Variants in MARCO observed in about 807,000 individuals in gnomAD.
MARCO encodes macrophage receptor with collagenous structure, also known as macrophage receptor MARCO.
MARCO carries 72 observed loss-of-function variants against 70.0 expected under a neutral mutation model. The ratio of observed to expected loss-of-function variants is 1.03; its 90% CI spans 0.85 to 1.25. MARCO has a LOEUF of 1.25. MARCO is among the 50% of genes most tolerant of loss of function. The probability of loss-of-function intolerance (pLI) is 0.00; values close to 1 mark genes in which losing one functional copy is unlikely to be tolerated. For synonymous variants in MARCO, 273 were observed against 243.1 expected (o/e 1.12, Z -1.14); for missense variants, 696 against 659.3 (o/e 1.06, Z -0.61).
At position 118,990,598 on chromosome 2, in the gene MARCO, G is replaced by A. The variant is rs781748440; in HGVS notation, c.1073G>A (p.Gly358Glu). ...TTTGTTTTGATCTTAGGACTTCAAGGACAGCAAGGAAGAAAAGGAGAATCA... is the reference window on the plus strand; with the variant it reads ...TTTGTTTTGATCTTAGGACTTCAAGAACAGCAAGGAAGAAAAGGAGAATCA... ...KGSKGDTGLQGQQGRKGESGV... is the reference protein window; with the variant it reads ...KGSKGDTGLQEQQGRKGESGV... The change falls in exon 13 of 17, where the codon GGA becomes GAA. Residue 358 changes from glycine (G) to glutamate (E), a missense_variant. Coordinates refer to ENST00000327097, the MANE Select transcript of MARCO (RefSeq NM_006770.4). The A allele has an allele frequency of 1.0e-5, 16 of 1,587,898 alleles. No homozygotes were observed. The Admixed American group carries it at 1.3e-4, about 13-fold the overall frequency.
chr2:118,991,669 G>A (rs969078289), intron 13 of MARCO, 108 bp from the exon 14 acceptor site: 2 of 615,764 alleles, frequency 3.2e-6, no homozygotes, highest in Admixed American at 3.3e-5. Context: ...CAGCCATGGG[G>A]GAGGTCTGGC....
chr2:118,962,783 T>C (rs570393711), intron 1 of MARCO, among the ~76,000 whole-genome samples: 54 of 152,240 alleles, frequency 3.5e-4, no homozygotes, highest in African/African-American at 1.2e-3. Context: ...TTTAGATTTA[T>C]TTAATGATTA....
At chr2:118,980,336 A>G (rs1233576743) in intron 8 of MARCO, among the ~76,000 whole-genome samples, 3 of 152,220 alleles carry the variant, frequency 2.0e-5, no homozygotes, top group African/African-American at 7.2e-5. Flanking sequence ...GTCTTCCTCA[A>G]GGAGCAGCCA....
intron 4 of MARCO, among the ~76,000 whole-genome samples, chr2:118,972,664 T>G (rs946466472): frequency 6.6e-6 from 1 of 152,232 alleles, no homozygotes; most frequent in African/African-American, 2.4e-5. Context: ...TTCGTTATTA[T>G]TATGACTATT....
chr2:118,971,419 A>G (rs1365721759), intron 3 of MARCO, 80 bp from the exon 4 acceptor site: 2 of 1,406,258 alleles, frequency 1.4e-6, no homozygotes, highest in East Asian at 2.3e-5. Context: ...CTCCCACTGC[A>G]GAACCTGGGC....
chr2:118,990,569 C>CGGGGGGGTG lies in MARCO; in HGVS notation c.1064-20_1064-19insGGGGGGGTG. On this transcript the variant is annotated intron_variant, in intron 12 of 16. Coordinates refer to ENST00000327097, the MANE Select transcript of MARCO (RefSeq NM_006770.4). ...AGTTTTATTATCTCCTCCCCCCCCCCTTTTTTGTTTTGATCTTAGGACTTC... is the reference window on the plus strand; with the variant it reads ...AGTTTTATTATCTCCTCCCCCCCCCCGGGGGGGTGTTTTTTGTTTTGATCTTAGGACTTC... The CGGGGGGGTG allele has an allele frequency of 1.4e-6, 2 of 1,415,970 alleles. No homozygotes were observed. The highest frequency in any genetic ancestry group is 1.9e-6 in the Non-Finnish European group (2 of 1,028,324). The allele number at this position is 1,415,970 out of a possible 1,614,324, so 87.7% of individuals were successfully genotyped here. A position where few individuals can be genotyped will look rare whatever the true frequency, so the allele number is the denominator to read the frequency against.
chr2:118,956,525 G>A (rs1679840831), intron 1 of MARCO, among the ~76,000 whole-genome samples: 1 of 150,634 alleles, frequency 6.6e-6, no homozygotes, highest in Non-Finnish European at 1.5e-5. Context: ...AAATGAGATA[G>A]ACAGCAACAC....
intron 12 of MARCO, among the ~76,000 whole-genome samples, chr2:118,986,664 G>GAAAGAAAGAAA (rs1680503919): frequency 2.8e-5 from 1 of 35,360 alleles, no homozygotes; most frequent in Non-Finnish European, 4.5e-5. Flanking sequence ...AAGGAAGGAA[G>GAAAGAAAGAAA]GAAGGAAGGA....
intron 1 of MARCO, among the ~76,000 whole-genome samples, chr2:118,957,557 C>A (rs1679861713): frequency 6.6e-6 from 1 of 152,058 alleles, no homozygotes. Flanking sequence ...AGATTCACAG[C>A]AGAATTCTAT....
rs1680396548 is a variant in MARCO at position 118,981,735 on chromosome 2, A to G, written c.901+79A>G. ...GTGAAGCTGGGGACCAGACACCACC[A>G]TCTTTTGCTTCATTGTAGTATTCAC... is the stretch of plus-strand genomic sequence containing the variant. On this transcript the variant is annotated intron_variant, in intron 10 of 16. Transcript: ENST00000327097. 21 of 1,381,100 alleles carry G rather than the reference A, an allele frequency of 1.5e-5. No homozygotes were observed. The South Asian group carries it at 2.5e-4, about 17-fold the overall frequency. The allele number at this position is 1,381,100 out of a possible 1,614,324, so 85.6% of individuals were successfully genotyped here.
At chr2:118,973,093 TC>T (rs1402241555) in intron 4 of MARCO, among the ~76,000 whole-genome samples, 1 of 152,078 alleles carries the variant, frequency 6.6e-6, no homozygotes, top group African/African-American at 2.4e-5. Context: ...TCTCTCTCTG[TC>T]TCTCTGAATA....
chr2:118,974,054 T>A (rs1246200849), intron 4 of MARCO, among the ~76,000 whole-genome samples: 1 of 152,146 alleles, frequency 6.6e-6, no homozygotes, highest in Non-Finnish European at 1.5e-5. Context: ...ATGAGGGAGC[T>A]GAGGCTCAAA....
At chr2:118,988,142 C>T (rs1471428299) in intron 12 of MARCO, among the ~76,000 whole-genome samples, 2 of 152,176 alleles carry the variant, frequency 1.3e-5, no homozygotes, top group African/African-American at 4.8e-5. Flanking sequence ...TGTAAAGCCC[C>T]TGGCACAGTG....
intron 8 of MARCO, 128 bp from the exon 9 acceptor site, chr2:118,981,281 C>T: frequency 8.9e-6 from 6 of 671,296 alleles, no homozygotes; most frequent in South Asian, 1.8e-5. Context: ...CTTCCACTCG[C>T]GGGCACCAAG....
chr2:118,958,084 C>T (rs13016256), intron 1 of MARCO, among the ~76,000 whole-genome samples: 7,657 of 151,748 alleles, frequency 0.05, 227 homozygotes, highest in African/African-American at 0.082. Flanking sequence ...CCTCTGAGAA[C>T]GGGAACAAGA....
intron 12 of MARCO, among the ~76,000 whole-genome samples, chr2:118,988,201 G>T (rs1432448562): frequency 6.6e-6 from 1 of 152,128 alleles, no homozygotes; most frequent in Non-Finnish European, 1.5e-5. Context: ...TGGAGGTGAG[G>T]AGCTAGGAAG....
At chr2:118,991,722 C>G (rs900185016) in intron 13 of MARCO, 55 bp from the exon 14 acceptor site, 2 of 1,048,834 alleles carry the variant, frequency 1.9e-6, no homozygotes, top group Non-Finnish European at 2.8e-6. Flanking sequence ...GCCCTTGGGT[C>G]TCTCTTGGGA....
At chr2:118,989,500 G>A (rs1266964309) in intron 12 of MARCO, among the ~76,000 whole-genome samples, 1 of 152,178 alleles carries the variant, frequency 6.6e-6, no homozygotes, top group Non-Finnish European at 1.5e-5. Context: ...GCCTGGAGGT[G>A]GGATCTGAAA....
chr2:118,973,888 C>T (rs924645306), intron 4 of MARCO, among the ~76,000 whole-genome samples: 2 of 152,180 alleles, frequency 1.3e-5, no homozygotes, highest in South Asian at 2.1e-4. Context: ...GATGAGAAGT[C>T]GCATAGGCAC....
Sources: allele counts gnomAD v4.1 joint callset (sites outside exome capture counted in the v4.1 genomes callset), GRCh38; gene constraint gnomAD v4.1.1; transcripts MANE v1.5; gene names NCBI Gene and HGNC (gene_info 2026-07-23, HGNC 2026-07-21).